FAM149B1: variants seen among roughly 807,000 people sequenced by gnomAD.
The protein encoded by FAM149B1 is primary cilium assembly protein FAM149B1.
FAM149B1 carries 56 observed loss-of-function variants against 75.3 expected under a neutral mutation model. The observed-to-expected ratio is 0.74, with a 90% CI of 0.60 to 0.93. The LOEUF (loss-of-function observed/expected upper bound fraction) is 0.93. FAM149B1 is among the 40% of genes least tolerant of loss of function. The pLI is 0.00. For missense variants in FAM149B1, 639 were observed against 708.4 expected (o/e 0.90, Z 1.11); for synonymous variants, 259 against 256.1 (o/e 1.01, Z -0.11).
Position 73,168,358 on chromosome 10 carries a change from C to G in FAM149B1, c.19C>G (p.Arg7Gly). The change falls in exon 1 of 14, where the codon CGG (arginine) becomes GGG (glycine). Residue 7 changes from arginine (R) to glycine (G), a missense_variant. Arg to Gly is a moderately radical substitution (Grantham distance 125). Coordinates refer to ENST00000242505, the MANE Select transcript of FAM149B1 (RefSeq NM_173348.2). Reference sequence around the variant, plus strand: ...GAGGAGGATGATCTCCAGATACACTCGGAAGGCGGTGCCACAGAGCTTGGA... The same window carrying G: ...GAGGAGGATGATCTCCAGATACACTGGGAAGGCGGTGCCACAGAGCTTGGA... MISRYT[R>G]KAVPQSLELK... 15 of 1,549,976 alleles carry G rather than the reference C, an allele frequency of 9.7e-6. No homozygotes were observed. The highest frequency in any genetic ancestry group is 1.3e-5 in the Non-Finnish European group (15 of 1,146,816).
Position 73,193,566 on chromosome 10 carries a change from C to A in FAM149B1, c.515C>A (p.Thr172Asn), listed in dbSNP as rs370830764. 2.3e-5 allele frequency: 36 copies of A among 1,550,822 alleles called. No homozygotes were observed. In the African/African-American group the frequency reaches 3.0e-4, roughly 13 times the overall value. ...GCTGTTTCCGCTTCATATGAAACAA[C>A]CTTGTCTCAAGAAAGAGATTCTACT... The part of the protein sequence containing the change: ...PSAVSASYET[T>N]LSQERDSTIF... The change falls in exon 5 of 14, where the codon ACC becomes AAC. Residue 172 changes from threonine (T) to asparagine (N), a missense_variant. Thr to Asn is a moderately conservative substitution (Grantham distance 65). Transcript: ENST00000242505.
At chr10:73,228,874 G>T (rs1196377544) in intron 8 of FAM149B1, among the ~76,000 whole-genome samples, 1 of 152,056 alleles carries the variant, frequency 6.6e-6, no homozygotes, top group Non-Finnish European at 1.5e-5. Flanking sequence ...GGAATTACAG[G>T]CATGAGCCAC....
intron 9 of FAM149B1, 81 bp from the exon 10 acceptor site, chr10:73,232,858 T>G (rs968481336): frequency 2.8e-5 from 24 of 843,530 alleles, no homozygotes; most frequent in Admixed American, 6.4e-5. Context: ...GTTTCTAGTC[T>G]AAGGCTTTTT....
chr10:73,200,483 C>T, intron 5 of FAM149B1: 1 of 620,330 alleles, frequency 1.6e-6, no homozygotes, highest in Non-Finnish European at 3.1e-6. Context: ...ATTGTTGGTA[C>T]ACCAGGGAGA....
Position 73,234,927 on chromosome 10 carries a change from C to A in FAM149B1, c.1463C>A (p.Pro488Gln). 1 of 1,552,014 alleles carries A rather than the reference C, an allele frequency of 6.4e-7. No homozygotes were observed. Among genetic ancestry groups the A allele is most frequent in the South Asian group, 1.2e-5 (1 of 84,060 alleles). Residue 488 changes from proline (P) to glutamine (Q), a missense_variant, in exon 11 of 14, where the codon CCA becomes CAA. Transcript: ENST00000242505. The stretch of plus-strand genomic sequence containing the variant: ...GTGGAACATGTGAGCACTGTGGGGC[C>A]ACAAAGACAGATGGTATGTTTCTTT... ...AEVEHVSTVGPQRQMKPHGDS... is the reference protein window; with the variant it reads ...AEVEHVSTVGQQRQMKPHGDS...
At chr10:73,209,342 G>A (rs1216118008) in intron 6 of FAM149B1, among the ~76,000 whole-genome samples, 1 of 152,138 alleles carries the variant, frequency 6.6e-6, no homozygotes, top group Non-Finnish European at 1.5e-5. Context: ...CAGCTACTTG[G>A]GAGGCTGAGG....
intron 12 of FAM149B1, among the ~76,000 whole-genome samples, chr10:73,237,275 A>T (rs556412473): frequency 1.3e-5 from 2 of 152,316 alleles, no homozygotes; most frequent in African/African-American, 4.8e-5. Flanking sequence ...CAAGAAAAGG[A>T]AACATGAGCA....
In FAM149B1 at chr10:73,243,404, T is replaced by A; in HGVS notation, c.*2385T>A. ...CCTTTGAAGAGAAAAATTCCATTAT[T>A]TCTTTTCTTTCTTGAGAGCAGATTT... On this transcript the variant is annotated 3_prime_UTR_variant, in exon 14 of 14. Coordinates refer to ENST00000242505, the MANE Select transcript of FAM149B1 (RefSeq NM_173348.2). 6.2e-7 allele frequency: 1 copy of A among 1,613,806 alleles called. No homozygotes were observed. Among genetic ancestry groups the A allele is most frequent in the South Asian group, 1.1e-5 (1 of 91,074 alleles).
rs1305294784 is a variant in FAM149B1 at position 73,168,387 on chromosome 10, G to C, written c.47+1G>C. 3 of 1,549,886 alleles carry C rather than the reference G, an allele frequency of 1.9e-6. No individual in the cohort carries two copies. In the South Asian group the frequency reaches 3.6e-5, roughly 18 times the overall value. The stretch of plus-strand genomic sequence containing the variant: ...AGGCGGTGCCACAGAGCTTGGAGCT[G>C]TGAGTGGACTGCTCAGCCACCCCAG... On this transcript the variant is annotated splice_donor_variant, in intron 1 of 13. Transcript: ENST00000242505. LOFTEE classifies it high-confidence loss of function.
intron 7 of FAM149B1, among the ~76,000 whole-genome samples, chr10:73,216,219 C>T (rs772297305): frequency 1.3e-5 from 2 of 152,086 alleles, no homozygotes; most frequent in Non-Finnish European, 2.9e-5. Context: ...GTAGCTACTC[C>T]TGCTCACTGT....
intron 5 of FAM149B1, among the ~76,000 whole-genome samples, chr10:73,205,128 T>TA (rs1014513205): frequency 4.0e-5 from 6 of 151,716 alleles, no homozygotes; most frequent in African/African-American, 1.2e-4. Flanking sequence ...TCTTAGTTTT[T>TA]AAAAAACTTG....
intron 7 of FAM149B1, among the ~76,000 whole-genome samples, chr10:73,221,424 A>G (rs940923333): frequency 6.6e-6 from 1 of 152,208 alleles, no homozygotes; most frequent in African/African-American, 2.4e-5. Flanking sequence ...AGATAATTTT[A>G]TGAACTATGT....
chr10:73,189,371 A>G (rs1035329050), intron 3 of FAM149B1, among the ~76,000 whole-genome samples: 1 of 152,216 alleles, frequency 6.6e-6, no homozygotes, highest in Non-Finnish European at 1.5e-5. Context: ...TGTGACAGCA[A>G]TTTCACTGCT....
intron 7 of FAM149B1, among the ~76,000 whole-genome samples, chr10:73,214,133 G>T (rs1269259817): frequency 6.6e-6 from 1 of 152,130 alleles, no homozygotes. Flanking sequence ...CATTAATGGG[G>T]TATTGAAACC....
Position 73,177,947 on chromosome 10 carries a change from G to C in FAM149B1, c.254G>C (p.Gly85Ala). Residue 85 changes from glycine (G) to alanine (A), a missense_variant, in exon 3 of 14, where the codon GGA (glycine) becomes GCA (alanine). Transcript: ENST00000242505. The stretch of plus-strand genomic sequence containing the variant: ...ACAGGCGCAGGGATATCTACTGAAG[G>C]AAGCTCGGACTTCTCCTGGGGATAT... ...SYTGAGISTEGSSDFSWGYGE... is the reference protein window; with the variant it reads ...SYTGAGISTEASSDFSWGYGE... 6.4e-7 allele frequency: 1 copy of C among 1,551,378 alleles called. No homozygotes were observed.
intron 3 of FAM149B1, 28 bp downstream of exon 3, chr10:73,178,003 A>G: frequency 6.6e-7 from 1 of 1,514,424 alleles, no homozygotes; most frequent in Non-Finnish European, 8.8e-7. Flanking sequence ...AGTCTGATAG[A>G]GTGCTTGGGA....
chr10:73,178,484 T>C (rs1178092485), intron 3 of FAM149B1, among the ~76,000 whole-genome samples: 3 of 144,600 alleles, frequency 2.1e-5, no homozygotes, highest in African/African-American at 8.3e-5. Flanking sequence ...AGAACGAAAC[T>C]GTCTCAAAAA....
chr10:73,225,152 TTA>T (rs1286373400), intron 7 of FAM149B1, among the ~76,000 whole-genome samples: 2 of 152,184 alleles, frequency 1.3e-5, no homozygotes, highest in African/African-American at 2.4e-5. Context: ...TAATAAACGA[TTA>T]TGTTACTGGT....
intron 1 of FAM149B1, among the ~76,000 whole-genome samples, chr10:73,172,826 G>C (rs1346659828): frequency 6.6e-6 from 1 of 151,878 alleles, no homozygotes; most frequent in Non-Finnish European, 1.5e-5. Context: ...GAAATTGGCC[G>C]AGTGCAGTGG....
Sources: allele counts gnomAD v4.1 joint callset (sites outside exome capture counted in the v4.1 genomes callset), GRCh38; gene constraint gnomAD v4.1.1; transcripts MANE v1.5; gene names NCBI Gene and HGNC (gene_info 2026-07-23, HGNC 2026-07-21).